The following PLEKHG3 variants were observed in gnomAD, a reference collection of about 807,000 sequenced individuals.
The protein encoded by PLEKHG3 is pleckstrin homology and RhoGEF domain containing G3, also known as pleckstrin homology domain-containing family G member 3.
PLEKHG3 carries 62 observed loss-of-function variants against 94.9 expected under a neutral mutation model. The observed-to-expected ratio is 0.65, with a 90% CI of 0.53 to 0.81. The LOEUF (loss-of-function observed/expected upper bound fraction) is 0.81, where lower values mean the gene tolerates loss of function less well. Among genes scored for constraint, PLEKHG3 ranks in the 30% least tolerant of loss-of-function variants. The probability of loss-of-function intolerance (pLI) is 0.00; values close to 1 mark genes in which losing one functional copy is unlikely to be tolerated. For synonymous variants in PLEKHG3, 614 were observed against 654.0 expected (o/e 0.94, Z 0.93); for missense variants, 1,461 against 1,619.3 (o/e 0.90, Z 1.68).
At position 64,730,791 on chromosome 14, in the gene PLEKHG3, A is replaced by T. The variant is rs747436242; in HGVS notation, c.567-8A>T. The T allele has an allele frequency of 6.2e-7, 1 of 1,612,384 alleles. No homozygotes were observed. On this transcript the variant is annotated splice_region_variant and splice_polypyrimidine_tract_variant and intron_variant, in intron 5 of 16. Transcript: ENST00000247226. This position sits in a 1 kb window ranked among gnomAD's most constrained non-coding sequence, Gnocchi z 5.4. Reference sequence around the variant, plus strand: ...CCAGGTGGTGACTGGCCCTTCTCCCACTCCCAGCTCCGTGGCCGCCCTGAC... The same window carrying T: ...CCAGGTGGTGACTGGCCCTTCTCCCTCTCCCAGCTCCGTGGCCGCCCTGAC...
At position 64,741,998 on chromosome 14, in the gene PLEKHG3, C is replaced by A; in HGVS notation, c.2481C>A (p.Ser827Arg). Residue 827 changes from serine to arginine, a missense_variant, in exon 16 of 17, where the codon AGC (serine) becomes AGA (arginine). Around this residue, in one of 3 missense-constraint regions of PLEKHG3, gnomAD observed 1,201 missense variants for 1,295.5 expected, o/e 0.93. Transcript: ENST00000247226. ...IWEGMESSGGSPGKGPGQGQA... is the reference protein window; with the variant it reads ...IWEGMESSGGRPGKGPGQGQA... ...AGGGAATGGAGTCTTCCGGAGGGAG[C>A]CCTGGGAAGGGGCCAGGCCAGGGCC... 6.4e-7 allele frequency: 1 copy of A among 1,571,122 alleles called. No homozygotes were observed. The highest frequency in any genetic ancestry group is 1.2e-5 in the South Asian group (1 of 84,278).
chr14:64,724,375 T>C (rs1378093453), intron 1 of PLEKHG3, among the ~76,000 whole-genome samples: 1 of 152,076 alleles, frequency 6.6e-6, no homozygotes, highest in Non-Finnish European at 1.5e-5. Flanking sequence ...CTCTTGGCTC[T>C]TTTCCAGCAA....
Position 64,743,716 on chromosome 14 carries a change from G to T in PLEKHG3, c.*13G>T. 6.6e-7 allele frequency: 1 copy of T among 1,522,598 alleles called. No homozygotes were observed. Among genetic ancestry groups the T allele is most frequent in the South Asian group, 1.3e-5 (1 of 78,866 alleles). 94.3% of individuals were successfully genotyped at this position (1,522,598 alleles called of 1,614,324 possible). A position where few individuals can be genotyped will look rare whatever the true frequency, so the allele number is the denominator to read the frequency against. ...CTCTGTCGGTTGATGCTGACTCCTG[G>T]GGGAGGGAGGAGTCATGTTGGAGGT... On this transcript the variant is annotated 3_prime_UTR_variant, in exon 17 of 17. Transcript: ENST00000247226. This position sits in a 1 kb window ranked among gnomAD's most constrained non-coding sequence, Gnocchi z 7.2.
chr14:64,705,424 G>C (rs1436432671), intron 1 of PLEKHG3, among the ~76,000 whole-genome samples: 1 of 152,232 alleles, frequency 6.6e-6, no homozygotes, highest in Admixed American at 6.5e-5. Flanking sequence ...GGGGAGAATG[G>C]AATGGTTGGA....
In PLEKHG3 at chr14:64,727,595, T is replaced by A. The variant is rs759749736; in HGVS notation, c.-37T>A. ...TTCATCTGTCTGTCTTGTTGCAGAA[T>A]CTCCCTGGGGTGCCCTCCCCAGGCA... is the stretch of plus-strand genomic sequence containing the variant. On this transcript the variant is annotated splice_region_variant and 5_prime_UTR_variant, in exon 2 of 17. Transcript: ENST00000247226. This position sits in a 1 kb window ranked among gnomAD's most constrained non-coding sequence, Gnocchi z 6.0. 2.0e-6 allele frequency: 2 copies of A among 1,019,662 alleles called. No homozygotes were observed. Among genetic ancestry groups the A allele is most frequent in the Non-Finnish European group, 2.8e-6 (2 of 702,512 alleles). 63.2% of individuals were successfully genotyped at this position (1,019,662 alleles called of 1,614,324 possible).
intron 1 of PLEKHG3, among the ~76,000 whole-genome samples, chr14:64,713,712 T>G (rs942327586): frequency 6.2e-4 from 94 of 152,316 alleles, no homozygotes; most frequent in African/African-American, 2.2e-3. Context: ...TATCCTTAGT[T>G]CTAGAAAGTT....
At position 64,722,171 on chromosome 14, in the gene PLEKHG3, G is replaced by A. The variant is rs1419194362; in HGVS notation, c.-39-5422G>A. 1.3e-5 allele frequency among the ~76,000 whole-genome samples: 2 copies of A among 152,096 alleles called. No homozygotes were observed. The highest frequency in any genetic ancestry group is 1.3e-4 in the Admixed American group (2 of 15,272). ...GTTGAGGGATGAAGGCCACACAGGAGGGCTGCGCCATCGCCGTTCCTGAGT... is the reference window on the plus strand; with the variant it reads ...GTTGAGGGATGAAGGCCACACAGGAAGGCTGCGCCATCGCCGTTCCTGAGT... On this transcript the variant is annotated intron_variant, in intron 1 of 16. Coordinates refer to ENST00000247226, the MANE Select transcript of PLEKHG3 (RefSeq NM_001308147.2). The surrounding 1 kb of genome is among the most constrained non-coding windows in gnomAD (Gnocchi z 4.3).
In PLEKHG3 at chr14:64,738,698, C is replaced by T; in HGVS notation, c.1405-44C>T. On this transcript the variant is annotated intron_variant, in intron 14 of 16. Coordinates refer to ENST00000247226, the MANE Select transcript of PLEKHG3 (RefSeq NM_001308147.2). The surrounding 1 kb of genome is among the most constrained non-coding windows in gnomAD (Gnocchi z 4.8). ...CGTGTTGGGATGCAGAAGGGATCAG[C>T]TTCCAGTTGTCTTGGAGTTGATGAC... The T allele has an allele frequency of 7.4e-7, 1 of 1,346,606 alleles. No homozygotes were observed. The highest frequency in any genetic ancestry group is 2.5e-5 in the East Asian group (1 of 40,108). The allele number at this position is 1,346,606 out of a possible 1,614,324, so 83.4% of individuals were successfully genotyped here.
chr14:64,749,037 G>A lies in PLEKHG3; in HGVS notation c.*5334G>A. The A allele has an allele frequency of 2.7e-6, 1 of 371,508 alleles. No individual in the cohort carries two copies. The highest frequency in any genetic ancestry group is 4.9e-6 in the Non-Finnish European group (1 of 205,034). 23.0% of individuals were successfully genotyped at this position (371,508 alleles called of 1,614,324 possible). On this transcript the variant is annotated 3_prime_UTR_variant, in exon 17 of 17. Coordinates refer to ENST00000247226, the MANE Select transcript of PLEKHG3 (RefSeq NM_001308147.2). The surrounding 1 kb of genome is among the most constrained non-coding windows in gnomAD (Gnocchi z 4.7). ...CGTGTGCCTCAGAGAACCGTTTCCT[G>A]CCCCCAGGCCTGGAGGCCCCAAAGG...
At chr14:64,714,320 C>T (rs988239859) in intron 1 of PLEKHG3, among the ~76,000 whole-genome samples, 10 of 152,186 alleles carry the variant, frequency 6.6e-5, no homozygotes, top group Non-Finnish European at 1.2e-4. Flanking sequence ...TTGGAAGGCT[C>T]ATCCCCCAAA....
intron 1 of PLEKHG3, among the ~76,000 whole-genome samples, chr14:64,714,714 C>T (rs909172251): frequency 4.6e-5 from 7 of 152,166 alleles, no homozygotes; most frequent in Non-Finnish European, 7.3e-5. Context: ...GACCAGGCAG[C>T]GGAGAGGAGG....
rs1373147834 is a variant in PLEKHG3 at position 64,722,357 on chromosome 14, T to C, written c.-39-5236T>C. Among the ~76,000 whole-genome samples the C allele has an allele frequency of 6.6e-6, 1 of 152,110 alleles. No homozygotes were observed. Among genetic ancestry groups the C allele is most frequent in the Admixed American group, 6.5e-5 (1 of 15,270 alleles). ...GCGAGTAGCTGGGATTACAGGTGCA[T>C]GCCACCACACCCGGCTAATTTTTGT... On this transcript the variant is annotated intron_variant, in intron 1 of 16. Coordinates refer to ENST00000247226, the MANE Select transcript of PLEKHG3 (RefSeq NM_001308147.2). The surrounding 1 kb of genome is among the most constrained non-coding windows in gnomAD (Gnocchi z 4.3).
In PLEKHG3 at chr14:64,730,381, A is replaced by G. The variant is rs541719296; in HGVS notation, c.519+69A>G. The G allele has an allele frequency of 2.9e-6, 3 of 1,020,126 alleles. No individual in the cohort carries two copies. Among genetic ancestry groups the G allele is most frequent in the Non-Finnish European group, 1.5e-6 (1 of 675,794 alleles). 63.2% of individuals were successfully genotyped at this position (1,020,126 alleles called of 1,614,324 possible). A position where few individuals can be genotyped will look rare whatever the true frequency, so the allele number is the denominator to read the frequency against. On this transcript the variant is annotated intron_variant, in intron 4 of 16. Coordinates refer to ENST00000247226, the MANE Select transcript of PLEKHG3 (RefSeq NM_001308147.2). The surrounding 1 kb of genome is among the most constrained non-coding windows in gnomAD (Gnocchi z 5.4). ...GCTCAGAGAGACAAGAACTGCCAGC[A>G]TAAGAGGACATCTGAGTCCTGGGGA...
At position 64,721,621 on chromosome 14, in the gene PLEKHG3, C is replaced by T. The variant is rs41381946; in HGVS notation, c.-39-5972C>T. On this transcript the variant is annotated intron_variant, in intron 1 of 16. Transcript: ENST00000247226. The surrounding 1 kb of genome is among the most constrained non-coding windows in gnomAD (Gnocchi z 4.3). ...ACACTGTTGGCACAGCCTCTGCAGG[C>T]AGTCACGTTGCTCACATGCACACAA... Among the ~76,000 whole-genome samples, 1,285 of 152,278 alleles carry T rather than the reference C, an allele frequency of 8.4e-3. 17 individuals carry two copies. The highest frequency in any genetic ancestry group is 0.029 in the African/African-American group (1,223 of 41,542).
chr14:64,750,224 TCACCATTAAAAAAAATTA>T lies in PLEKHG3; in HGVS notation c.*6528_*6545del. On this transcript the variant is annotated 3_prime_UTR_variant, in exon 17 of 17. Coordinates refer to ENST00000247226, the MANE Select transcript of PLEKHG3 (RefSeq NM_001308147.2). ...ATCTCTAGAGTCAATTCCTATAGCT[TCACCATTAAAAAAAATTA>T]CACCATGTTTGTTCTGATACATAGT... 1 of 1,498,128 alleles carries T rather than the reference TCACCATTAAAAAAAATTA, an allele frequency of 6.7e-7. No homozygotes were observed. Among genetic ancestry groups the T allele is most frequent in the Non-Finnish European group, 9.0e-7 (1 of 1,108,756 alleles). 92.8% of individuals were successfully genotyped at this position (1,498,128 alleles called of 1,614,324 possible).
At position 64,720,767 on chromosome 14, in the gene PLEKHG3, G is replaced by A. The variant is rs1374106584; in HGVS notation, c.-39-6826G>A. ...GTTCTGGAGGTAAGAAGTCAGACTG[G>A]GTTTGCATGGCTGGGTTCCTTCTGC... On this transcript the variant is annotated intron_variant, in intron 1 of 16. Transcript: ENST00000247226. This position sits in a 1 kb window ranked among gnomAD's most constrained non-coding sequence, Gnocchi z 4.1. Among the ~76,000 whole-genome samples, 1 of 152,170 alleles carries A rather than the reference G, an allele frequency of 6.6e-6. No homozygotes were observed. The highest frequency in any genetic ancestry group is 2.4e-5 in the African/African-American group (1 of 41,442).
Position 64,732,217 on chromosome 14 carries a change from A to T in PLEKHG3, c.1212+36A>T, listed in dbSNP as rs1464442917. The T allele has an allele frequency of 6.4e-7, 1 of 1,556,402 alleles. No homozygotes were observed. The highest frequency in any genetic ancestry group is 1.4e-5 in the African/African-American group (1 of 73,728). On this transcript the variant is annotated intron_variant, in intron 10 of 16. Coordinates refer to ENST00000247226, the MANE Select transcript of PLEKHG3 (RefSeq NM_001308147.2). The surrounding 1 kb of genome is among the most constrained non-coding windows in gnomAD (Gnocchi z 4.9). ...CCAGCTCCTGACTGTGTGCAAGGAG[A>T]ATGTGCTCCTCTGAGCCAGCTCTGC...
At chr14:64,737,977 TGGA>T (rs376123381) in intron 14 of PLEKHG3, 14,950 of 1,162,256 alleles carry the variant, frequency 0.013, 273 homozygotes, top group African/African-American at 0.095. Flanking sequence ...GAGGAGGTGG[TGGA>T]GGAGGAGGAG....
At position 64,749,741 on chromosome 14, in the gene PLEKHG3, G is replaced by T; in HGVS notation, c.*6038G>T. 1.9e-6 allele frequency: 3 copies of T among 1,605,368 alleles called. No homozygotes were observed. The highest frequency in any genetic ancestry group is 1.7e-6 in the Non-Finnish European group (2 of 1,175,670). On this transcript the variant is annotated 3_prime_UTR_variant, in exon 17 of 17. Transcript: ENST00000247226. The surrounding 1 kb of genome is among the most constrained non-coding windows in gnomAD (Gnocchi z 4.7). ...CCTGTCATGGAGACACCTCTGGAGG[G>T]GGCGCTGGGCAGAGGGCTGGCTCTG...
Sources: gnomAD v4.1 joint callset for allele counts (sites outside exome capture counted in the v4.1 genomes callset) on GRCh38, gnomAD v4.1.1 for gene constraint, gnomAD v4.1.1 regional missense constraint, Gnocchi (gnomAD v3.1) non-coding constraint, MANE v1.5 for transcripts, NCBI Gene and HGNC (gene_info 2026-07-23, HGNC 2026-07-21) for gene names.